The following ERAP1 variants were observed in gnomAD, a reference collection of about 807,000 sequenced individuals.
ERAP1 encodes endoplasmic reticulum aminopeptidase 1.
ERAP1 carries 86 observed loss-of-function variants against 103.7 expected under a neutral mutation model. That is an observed-to-expected ratio of 0.83 (90% CI 0.70 to 0.99). The LOEUF is 0.99. Ranked by LOEUF, ERAP1 falls within the 50% of genes least tolerant of loss-of-function variation. The pLI is 0.00. For synonymous variants in ERAP1, 398 were observed against 402.4 expected, an observed-to-expected ratio of 0.99 and a Z score of 0.13; for missense variants, 1,009 against 1,128.4, an observed-to-expected ratio of 0.89 and a Z score of 1.52.
upstream of ERAP1, chr5:96,808,099 G>T: frequency 2.0e-6 from 2 of 985,752 alleles, no homozygotes; most frequent in Non-Finnish European, 2.4e-6. Flanking sequence ...AAGGGAATTG[G>T]TAAATGAGCG....
the ERAP1 span, among the ~76,000 whole-genome samples, chr5:96,864,121 T>C: frequency 6.6e-6 from 1 of 152,188 alleles, no homozygotes; most frequent in Non-Finnish European, 1.5e-5. Flanking sequence ...GGGGCAATAG[T>C]TGACTTCCTG....
intron 8 of ERAP1, among the ~76,000 whole-genome samples, chr5:96,790,875 A>G (rs1776657974): frequency 6.6e-6 from 1 of 152,170 alleles, no homozygotes; most frequent in African/African-American, 2.4e-5. Flanking sequence ...CTTATTTTCT[A>G]TCAGTAGCCA....
chr5:96,776,850 T>G (rs2150878560), intron 18 of ERAP1: 1 of 231,896 alleles, frequency 4.3e-6, no homozygotes, highest in Non-Finnish European at 7.3e-6. Context: ...AATGTGTTAT[T>G]CTGTTCTGTT....
the ERAP1 span, among the ~76,000 whole-genome samples, chr5:96,910,493 T>A: frequency 6.6e-6 from 1 of 152,148 alleles, no homozygotes; most frequent in African/African-American, 2.4e-5. Context: ...AAATCTATTA[T>A]TCTCTTCTTT....
the ERAP1 span, among the ~76,000 whole-genome samples, chr5:96,908,129 T>C: frequency 2.0e-5 from 3 of 152,214 alleles, no homozygotes; most frequent in Non-Finnish European, 4.4e-5. Context: ...TAGAGCACTA[T>C]GTTAATGATA....
At chr5:96,870,369 A>C in the ERAP1 span, among the ~76,000 whole-genome samples, 1 of 152,158 alleles carries the variant, frequency 6.6e-6, no homozygotes, top group East Asian at 1.9e-4. Context: ...AAACCACAAA[A>C]ATGACCAAAC....
the ERAP1 span, among the ~76,000 whole-genome samples, chr5:96,925,426 A>G: frequency 0.07 from 10,701 of 152,244 alleles, 448 homozygotes; most frequent in Middle Eastern, 0.15. Context: ...CTCTCACCTC[A>G]GTCCTGGGCT....
chr5:96,847,324 G>C, the ERAP1 span, among the ~76,000 whole-genome samples: 4 of 150,652 alleles, frequency 2.7e-5, no homozygotes, highest in Non-Finnish European at 5.9e-5. Context: ...AATATGTAAA[G>C]CAAACATTAT....
At position 96,797,309 on chromosome 5, in the gene ERAP1, C is replaced by A. The variant is rs768630025; in HGVS notation, c.664G>T (p.Val222Leu). 2 of 1,613,740 alleles carry A rather than the reference C, an allele frequency of 1.2e-6. No homozygotes were observed. Among genetic ancestry groups the A allele is most frequent in the East Asian group, 2.2e-5 (1 of 44,830 alleles). Residue 222 changes from valine to leucine, a missense_variant and splice_region_variant, in exon 4 of 19, where the codon GTG becomes TTG. Coordinates refer to ENST00000443439, the MANE Select transcript of ERAP1 (RefSeq NM_001040458.3). ...RHLAISNMPL[V>L]KSVTVAEGLI... The stretch of plus-strand genomic sequence containing the variant: ...CCTTCAGCAACAGTCACAGATTTCA[C>A]CTAAAATCAGAATAATTCAAATTAT...
At chr5:96,818,949 G>A in the ERAP1 span, among the ~76,000 whole-genome samples, 34 of 138,492 alleles carry the variant, frequency 2.5e-4, no homozygotes, top group African/African-American at 6.6e-4. Context: ...TTTTTGAGAC[G>A]GCGTCTCGCT....
upstream of ERAP1, among the ~76,000 whole-genome samples, chr5:96,809,956 C>T (rs1779055555): frequency 6.6e-6 from 1 of 152,078 alleles, no homozygotes; most frequent in African/African-American, 2.4e-5. Flanking sequence ...ACTGAATGCA[C>T]CCAACAGGCT....
Position 96,783,836 on chromosome 5 carries a change from CACACACACACACACACACAT to C in ERAP1, c.2100+68_2100+87del, listed in dbSNP as rs1176292748. On this transcript the variant is annotated intron_variant, in intron 14 of 18. Transcript: ENST00000443439. ...ATAAAGATACACACACACACACACA[CACACACACACACACACACAT>C]ACACACACAATGATTAACACTTTTT... The C allele has an allele frequency of 2.5e-3, 1,917 of 753,884 alleles. 65 individuals carry two copies. The highest frequency in any genetic ancestry group is 5.7e-3 in the South Asian group (311 of 54,440). The allele number at this position is 753,884 out of a possible 1,614,324, so 46.7% of individuals were successfully genotyped here.
chr5:96,788,474 T>C (rs1224433338), intron 11 of ERAP1, 57 bp downstream of exon 11: 10 of 1,599,288 alleles, frequency 6.3e-6, no homozygotes, highest in Non-Finnish European at 8.5e-6. Flanking sequence ...CAAGGTTCCA[T>C]CCTACAAGGC....
chr5:96,912,848 C>A, the ERAP1 span: 2 of 1,476,436 alleles, frequency 1.4e-6, no homozygotes, highest in South Asian at 1.3e-5. Flanking sequence ...GACACAAATT[C>A]AGTGAAGTCA....
intron 17 of ERAP1, 137 bp from the exon 18 acceptor site, chr5:96,780,641 T>G: frequency 1.4e-6 from 1 of 729,072 alleles, no homozygotes; most frequent in Non-Finnish European, 2.4e-6. Context: ...GTCTATCCAA[T>G]GGGTTAAGAT....
the ERAP1 span, among the ~76,000 whole-genome samples, chr5:96,897,951 C>T: frequency 6.6e-6 from 1 of 152,202 alleles, no homozygotes; most frequent in Non-Finnish European, 1.5e-5. Flanking sequence ...AATCCCAAGA[C>T]TTTGGGACAC....
chr5:96,779,650 A>C (rs897064019), intron 18 of ERAP1: 3 of 153,558 alleles, frequency 2.0e-5, no homozygotes, highest in Non-Finnish European at 4.4e-5. Flanking sequence ...GAGCCTTGTA[A>C]AATTTGTTCC....
chr5:96,774,224 T>G (rs1325342192), downstream of ERAP1: 2 of 154,070 alleles, frequency 1.3e-5, no homozygotes, highest in African/African-American at 4.8e-5. Flanking sequence ...TTTGCAAGGA[T>G]ACGGCTTCAG....
the ERAP1 span, among the ~76,000 whole-genome samples, chr5:96,862,732 A>G: frequency 1.4e-4 from 22 of 152,330 alleles, no homozygotes; most frequent in African/African-American, 5.1e-4. Flanking sequence ...TGCAGCCACC[A>G]TGATTGCCTA....
Sources: gnomAD v4.1 joint callset for allele counts (sites outside exome capture counted in the v4.1 genomes callset) on GRCh38, gnomAD v4.1.1 for gene constraint, MANE v1.5 for transcripts, NCBI Gene and HGNC (gene_info 2026-07-23, HGNC 2026-07-21) for gene names.